The following EPHB1 variants were observed in gnomAD, a reference collection of about 807,000 sequenced individuals.
The protein encoded by EPHB1 is EPH receptor B1.
EPHB1 carries 30 observed loss-of-function variants against 94.4 expected under a neutral mutation model. That is an observed-to-expected ratio of 0.32 (90% confidence interval 0.24 to 0.43). EPHB1 has a LOEUF of 0.43. Among genes scored for constraint, EPHB1 ranks in the 20% least tolerant of loss-of-function variants. EPHB1 has a pLI of 1.00. For synonymous variants in EPHB1, 522 were observed against 489.1 expected (o/e 1.07, Z -0.89); for missense variants, 1,055 against 1,308.3 (o/e 0.81, Z 2.99).
chr3:134,937,382 A>G (rs1218840569), intron 2 of EPHB1, among the ~76,000 whole-genome samples: 1 of 152,198 alleles, frequency 6.6e-6, no homozygotes, highest in Non-Finnish European at 1.5e-5. Context: ...TTTTTCACCC[A>G]GAGACTGGGA....
intron 15 of EPHB1, among the ~76,000 whole-genome samples, chr3:135,255,161 C>G (rs1435068559): frequency 6.6e-6 from 1 of 151,944 alleles, no homozygotes; most frequent in Non-Finnish European, 1.5e-5. Flanking sequence ...TTCAAAAAAC[C>G]AGCTCCTGGA....
At chr3:135,077,853 A>G (rs1937999840) in intron 3 of EPHB1, among the ~76,000 whole-genome samples, 1 of 152,200 alleles carries the variant, frequency 6.6e-6, no homozygotes, top group Admixed American at 6.5e-5. Flanking sequence ...CTCCCCTCAC[A>G]TCTCCCATAC....
intron 13 of EPHB1, among the ~76,000 whole-genome samples, chr3:135,244,435 A>G (rs746658803): frequency 2.6e-5 from 4 of 152,184 alleles, no homozygotes; most frequent in Non-Finnish European, 2.9e-5. Flanking sequence ...AATCTTCTCA[A>G]TAGCCACTTA....
At chr3:134,940,637 G>A (rs2039095594) in intron 2 of EPHB1, among the ~76,000 whole-genome samples, 1 of 152,208 alleles carries the variant, frequency 6.6e-6, no homozygotes, top group South Asian at 2.1e-4. Flanking sequence ...CTCCAGGCTA[G>A]CTCCTGTGTT....
intron 3 of EPHB1, among the ~76,000 whole-genome samples, chr3:135,057,352 A>C (rs932717525): frequency 6.6e-6 from 1 of 152,174 alleles, no homozygotes; most frequent in Admixed American, 6.5e-5. Context: ...CACTGAGGCC[A>C]GCTGGCTCAT....
chr3:135,140,621 G>A (rs1194937630), intron 5 of EPHB1, among the ~76,000 whole-genome samples: 1 of 152,164 alleles, frequency 6.6e-6, no homozygotes, highest in Non-Finnish European at 1.5e-5. Flanking sequence ...ATGTTGGTAA[G>A]ACCTCAGGCT....
At chr3:135,240,736 A>G (rs1943763899) in intron 12 of EPHB1, among the ~76,000 whole-genome samples, 1 of 152,154 alleles carries the variant, frequency 6.6e-6, no homozygotes, top group South Asian at 2.1e-4. Context: ...GTACCATTGC[A>G]ATTCCTTCTG....
In EPHB1 at chr3:135,056,655, A is replaced by G. The variant is rs1049026930; in HGVS notation, c.806-49793A>G. ...GAACTCAGAGAAAGAAGTTAAATTC[A>G]TCTCTCTATTCTACTGCAGTCTCAT... On this transcript the variant is annotated intron_variant, in intron 3 of 15. Transcript: ENST00000398015. Among the ~76,000 whole-genome samples the G allele has an allele frequency of 2.0e-5, 3 of 152,264 alleles. No homozygotes were observed. The East Asian group carries it at 5.8e-4, about 29-fold the overall frequency.
intron 3 of EPHB1, among the ~76,000 whole-genome samples, chr3:134,991,501 T>C (rs553084574): frequency 3.4e-4 from 52 of 152,288 alleles, no homozygotes; most frequent in African/African-American, 1.1e-3. Context: ...GCATCAGCCC[T>C]GAAAAGAAAA....
intron 3 of EPHB1, among the ~76,000 whole-genome samples, chr3:135,103,671 G>A (rs1939107303): frequency 1.3e-5 from 2 of 152,200 alleles, no homozygotes; most frequent in Admixed American, 1.3e-4. Flanking sequence ...CACCAAGCTA[G>A]GAGCTGGCAG....
At chr3:135,074,232 T>C (rs1346157337) in intron 3 of EPHB1, among the ~76,000 whole-genome samples, 3 of 152,266 alleles carry the variant, frequency 2.0e-5, no homozygotes, top group Non-Finnish European at 4.4e-5. Context: ...TGAGTTGTTC[T>C]CTACATTCTC....
chr3:134,987,000 A>G (rs1934624134), intron 3 of EPHB1, among the ~76,000 whole-genome samples: 1 of 152,166 alleles, frequency 6.6e-6, no homozygotes, highest in African/African-American at 2.4e-5. Context: ...ACTAACCTGA[A>G]TTTATTAATA....
chr3:134,990,064 T>C (rs1934743038), intron 3 of EPHB1, among the ~76,000 whole-genome samples: 1 of 152,234 alleles, frequency 6.6e-6, no homozygotes, highest in Non-Finnish European at 1.5e-5. Context: ...GGTTGCTTTA[T>C]CACAATTTCT....
rs547270392 is a variant in EPHB1 at position 135,251,981 on chromosome 3, A to G, written c.2846+2490A>G. Among the ~76,000 whole-genome samples the G allele has an allele frequency of 3.9e-5, 6 of 152,312 alleles. No homozygotes were observed. In the East Asian group the frequency reaches 1.2e-3, roughly 29 times the overall value. The stretch of plus-strand genomic sequence containing the variant: ...TTACCTACTGTGTGACCTTGAGCAC[A>G]TTACTTAATTTCTCTGAGCCCTACT... On this transcript the variant is annotated intron_variant, in intron 15 of 15. Transcript: ENST00000398015.
At chr3:135,214,053 G>GT (rs1393442390) in intron 12 of EPHB1, among the ~76,000 whole-genome samples, 2 of 152,114 alleles carry the variant, frequency 1.3e-5, no homozygotes, top group Non-Finnish European at 1.5e-5. Context: ...CACACTCTGT[G>GT]TTTCTGCCAC....
In EPHB1 at chr3:135,133,026, T is replaced by C; in HGVS notation, c.1274T>C (p.Val425Ala). ...KSPFPPQHVS[V>A]NITTNQAAPS... Reference sequence around the variant, plus strand: ...CCCTTCCCCCCACAGCACGTCTCTGTCAACATCACCACAAACCAAGCCGGT... The same window carrying C: ...CCCTTCCCCCCACAGCACGTCTCTGCCAACATCACCACAAACCAAGCCGGT... The change falls in exon 5 of 16, where the codon GTC (valine) becomes GCC (alanine). Residue 425 changes from valine (V) to alanine (A), a missense_variant. Physicochemically the swap from Val to Ala is moderately conservative, Grantham distance 64 (BLOSUM62 0). Transcript: ENST00000398015. 4 of 1,597,008 alleles carry C rather than the reference T, an allele frequency of 2.5e-6. No individual in the cohort carries two copies. The highest frequency in any genetic ancestry group is 2.6e-6 in the Non-Finnish European group (3 of 1,167,090).
At chr3:135,081,762 C>T (rs560330393) in intron 3 of EPHB1, among the ~76,000 whole-genome samples, 7 of 152,174 alleles carry the variant, frequency 4.6e-5, no homozygotes, top group East Asian at 1.9e-4. Flanking sequence ...GATTTGCCAG[C>T]GGACAATCCA....
chr3:135,207,069 T>C (rs899729822), intron 12 of EPHB1, among the ~76,000 whole-genome samples: 1 of 152,240 alleles, frequency 6.6e-6, no homozygotes, highest in Non-Finnish European at 1.5e-5. Context: ...AACATTTCAA[T>C]GATCCTAAGT....
intron 1 of EPHB1, among the ~76,000 whole-genome samples, chr3:134,866,832 C>T (rs2037389711): frequency 6.6e-6 from 1 of 152,234 alleles, no homozygotes; most frequent in East Asian, 1.9e-4. Context: ...GGGCCTAGCC[C>T]CGTTCCTTCC....
Sources: gnomAD v4.1 joint callset for allele counts (sites outside exome capture counted in the v4.1 genomes callset) on GRCh38, gnomAD v4.1.1 for gene constraint, MANE v1.5 for transcripts, NCBI Gene and HGNC (gene_info 2026-07-23, HGNC 2026-07-21) for gene names.